ERBIN: variants seen among roughly 807,000 people sequenced by gnomAD.
ERBIN encodes the protein erbb2 interacting protein.
Under a neutral mutation model 158.4 loss-of-function variants are expected in ERBIN, and 60 were observed. That is an observed-to-expected ratio of 0.38 (90% CI 0.31 to 0.47). The LOEUF is 0.47. ERBIN is among the 20% of genes least tolerant of loss of function. The pLI is 0.99. For missense variants in ERBIN, 1,610 were observed against 1,648.0 expected, an observed-to-expected ratio of 0.98 and a Z score of 0.40; for synonymous variants, 594 against 557.2, an observed-to-expected ratio of 1.07 and a Z score of -0.93.
rs541315037 is a variant in ERBIN at position 66,071,813 on chromosome 5, T to C, written c.3634-356T>C. ...TCTTAAAATTTGAGACTCTAAACTT[T>C]GATTAATAACTATATTTGTTGTTCA... On this transcript the variant is annotated intron_variant, in intron 21 of 25. Transcript: ENST00000284037. Among the ~76,000 whole-genome samples the C allele has an allele frequency of 3.3e-5, 5 of 152,092 alleles. No individual in the cohort carries two copies. In the East Asian group the frequency reaches 5.8e-4, roughly 18 times the overall value.
At chr5:65,963,305 G>T (rs1239691551) in intron 1 of ERBIN, among the ~76,000 whole-genome samples, 2 of 152,138 alleles carry the variant, frequency 1.3e-5, no homozygotes, top group South Asian at 2.1e-4. Flanking sequence ...TGGCAACTTT[G>T]AGGTAGGATA....
At chr5:65,957,522 C>T (rs995809111) in intron 1 of ERBIN, among the ~76,000 whole-genome samples, 3 of 152,154 alleles carry the variant, frequency 2.0e-5, no homozygotes, top group Non-Finnish European at 2.9e-5. Flanking sequence ...TCAGAGAGCA[C>T]CGGGTTGGGG....
chr5:65,980,028 T>C (rs1378622706), intron 1 of ERBIN, among the ~76,000 whole-genome samples: 1 of 151,988 alleles, frequency 6.6e-6, no homozygotes, highest in Non-Finnish European at 1.5e-5. Flanking sequence ...CAACCAAAAA[T>C]GTAGGATAGC....
intron 1 of ERBIN, among the ~76,000 whole-genome samples, chr5:65,976,186 A>G (rs1025983562): frequency 1.4e-4 from 21 of 152,168 alleles, no homozygotes; most frequent in African/African-American, 5.1e-4. Flanking sequence ...TCAAGACTGT[A>G]TGAGAGGCTG....
intron 1 of ERBIN, among the ~76,000 whole-genome samples, chr5:65,946,804 T>TA (rs1384577676): frequency 5.3e-5 from 8 of 151,278 alleles, no homozygotes; most frequent in Non-Finnish European, 1.0e-4. Context: ...TTTTTTTTTT[T>TA]ACTATTTTAA....
intron 7 of ERBIN, among the ~76,000 whole-genome samples, chr5:66,020,885 A>G (rs550952289): frequency 1.4e-4 from 21 of 152,052 alleles, no homozygotes; most frequent in African/African-American, 5.1e-4. Context: ...TTGAATATTA[A>G]TTTTCGGAGT....
intron 1 of ERBIN, among the ~76,000 whole-genome samples, chr5:65,940,115 C>T (rs947289229): frequency 7.9e-4 from 120 of 151,126 alleles, no homozygotes; most frequent in South Asian, 1.5e-3. Flanking sequence ...CGCCTCTTCC[C>T]GGCCGCCATC....
At chr5:66,071,685 C>T (rs1761542856) in intron 21 of ERBIN, among the ~76,000 whole-genome samples, 1 of 150,842 alleles carries the variant, frequency 6.6e-6, no homozygotes, top group African/African-American at 2.4e-5. Flanking sequence ...GGAAAAAAAT[C>T]CCATGGGGTA....
In ERBIN at chr5:66,023,303, A is replaced by G. The variant is rs1447412691; in HGVS notation, c.611A>G (p.Glu204Gly). 1.2e-6 allele frequency: 2 copies of G among 1,613,102 alleles called. No homozygotes were observed. Among genetic ancestry groups the G allele is most frequent in the East Asian group, 4.5e-5 (2 of 44,764 alleles). The part of the protein sequence containing the change: ...NEFTEVPEVL[E>G]QLSGLKEFWM... ...TAATCCCAACAGCCTGAAGTACTTG[A>G]GCAACTAAGTGGATTGAAAGAGTTT... The change falls in exon 9 of 26, where the codon GAG becomes GGG. Residue 204 changes from glutamate (E) to glycine (G), a missense_variant. Coordinates refer to ENST00000284037, the MANE Select transcript of ERBIN (RefSeq NM_001253697.2).
chr5:66,055,630 A>T (rs960199261), intron 21 of ERBIN, among the ~76,000 whole-genome samples: 10 of 152,142 alleles, frequency 6.6e-5, no homozygotes, highest in African/African-American at 2.4e-4. Context: ...TTGTAAAACC[A>T]ATATGAATGC....
chr5:65,969,748 TCCC>T (rs1217687235), intron 1 of ERBIN, among the ~76,000 whole-genome samples: 1 of 152,060 alleles, frequency 6.6e-6, no homozygotes, highest in Non-Finnish European at 1.5e-5. Context: ...CACCCCCTGC[TCCC>T]CCAGGGAGCA....
In ERBIN at chr5:66,050,809, T is replaced by C; in HGVS notation, c.1930T>C (p.Ser644Pro). The C allele has an allele frequency of 7.7e-6, 12 of 1,563,928 alleles. No homozygotes were observed. The highest frequency in any genetic ancestry group is 1.0e-5 in the Non-Finnish European group (12 of 1,159,948). ...KDDTKETDSL[S>P]DEVTHNSNQN... ...TGATACAAAGGAAACAGATTCTTTA[T>C]CAGATGAAGTTACACACAATAGCAA... is the stretch of plus-strand genomic sequence containing the variant. Residue 644 changes from serine (S) to proline (P), a missense_variant, in exon 20 of 26, where the codon TCA becomes CCA. This residue lies in a region of ERBIN where 1,014 missense variants were observed against 936.1 expected (regional missense o/e 1.08). Transcript: ENST00000284037.
chr5:65,954,820 C>T (rs1454391384), intron 1 of ERBIN, among the ~76,000 whole-genome samples: 1 of 151,360 alleles, frequency 6.6e-6, no homozygotes, highest in Non-Finnish European at 1.5e-5. Context: ...AATCTCAGCA[C>T]TTTGGGAGGC....
chr5:65,951,916 T>C (rs1746541217), intron 1 of ERBIN, among the ~76,000 whole-genome samples: 1 of 152,262 alleles, frequency 6.6e-6, no homozygotes, highest in South Asian at 2.1e-4. Flanking sequence ...CTTATGATGT[T>C]AATTTTCTTG....
chr5:66,015,353 T>C (rs890503698), intron 7 of ERBIN, among the ~76,000 whole-genome samples: 4 of 148,014 alleles, frequency 2.7e-5, no homozygotes, highest in African/African-American at 1.0e-4. Context: ...AACTACAGTC[T>C]ATGATTAAAT....
chr5:66,062,131 C>CAG (rs546466186), intron 21 of ERBIN, among the ~76,000 whole-genome samples: 8,799 of 151,742 alleles, frequency 0.058, 869 homozygotes, highest in African/African-American at 0.2. Flanking sequence ...TAATATCCTG[C>CAG]AGTGTTTTCC....
intron 1 of ERBIN, among the ~76,000 whole-genome samples, chr5:65,954,979 C>T (rs965045917): frequency 6.6e-6 from 1 of 151,984 alleles, no homozygotes; most frequent in Non-Finnish European, 1.5e-5. Context: ...GTAGTAGAAT[C>T]GCTTGAACTC....
chr5:66,059,194 G>A (rs1249561488), intron 21 of ERBIN, among the ~76,000 whole-genome samples: 3 of 152,116 alleles, frequency 2.0e-5, no homozygotes, highest in Admixed American at 6.5e-5. Context: ...CCATTTGTTT[G>A]TATCCTCTTT....
Position 66,054,448 on chromosome 5 carries a change from T to G in ERBIN, c.3130T>G (p.Leu1044Val). ...TGTTCGAGCTAATACTGCATACCAT[T>G]TACATCAGAGACTTGGCCCAGCAAG... Reference protein sequence around the residue: ...NNVRANTAYHLHQRLGPARHG... With the variant: ...NNVRANTAYHVHQRLGPARHG... The change falls in exon 21 of 26, where the codon TTA (leucine) becomes GTA (valine). Residue 1044 changes from leucine to valine, a missense_variant. This residue lies in a region of ERBIN where 1,014 missense variants were observed against 936.1 expected (regional missense o/e 1.08). Transcript: ENST00000284037. The G allele has an allele frequency of 1.2e-6, 2 of 1,614,144 alleles. No individual in the cohort carries two copies. The highest frequency in any genetic ancestry group is 1.7e-6 in the Non-Finnish European group (2 of 1,180,020).
Sources: allele counts gnomAD v4.1 joint callset (sites outside exome capture counted in the v4.1 genomes callset), GRCh38; gene constraint gnomAD v4.1.1; regional missense constraint gnomAD v4.1.1; transcripts MANE v1.5; gene names NCBI Gene and HGNC (gene_info 2026-07-23, HGNC 2026-07-21).